The following POF1B variants were observed in gnomAD, a reference collection of about 807,000 sequenced individuals.
POF1B encodes protein POF1B.
In POF1B, 53 loss-of-function variants were observed where a neutral mutation model predicts 55.3. The observed-to-expected ratio is 0.96, with a 90% confidence interval of 0.77 to 1.20. The LOEUF (loss-of-function observed/expected upper bound fraction) is 1.20, where lower values mean the gene tolerates loss of function less well. Ranked by LOEUF, POF1B falls within the 50% of genes most tolerant of loss-of-function variation. POF1B has a pLI of 0.00. For missense variants in POF1B, 478 were observed against 420.5 expected, an observed-to-expected ratio of 1.14 and a Z score of -1.20; for synonymous variants, 188 against 148.3, an observed-to-expected ratio of 1.27 and a Z score of -1.95.
chrX:85,336,480 T>C (rs1933075869), intron 6 of POF1B, among the ~76,000 whole-genome samples: 2 of 110,843 alleles, frequency 1.8e-5, no homozygotes, highest in Non-Finnish European at 3.8e-5. Flanking sequence ...TTATTGCCTG[T>C]CTTTTAGATA....
chrX:85,322,613 G>A (rs1297943439), intron 7 of POF1B, among the ~76,000 whole-genome samples: 4 of 111,652 alleles, frequency 3.6e-5, no homozygotes, highest in Non-Finnish European at 7.5e-5. Context: ...TTAAACTAAA[G>A]AGCTTCTGCA....
chrX:85,278,721 G>C lies in POF1B; in HGVS notation c.*700C>G, dbSNP rs1041800518. On this transcript the variant is annotated 3_prime_UTR_variant, in exon 17 of 17. Transcript: ENST00000262753. The stretch of plus-strand genomic sequence containing the variant: ...AGGTAGGCTCATTTGGGGAAGGTAT[G>C]CTTTGAAAGAACAGATTTGCCAAGG... 2.7e-5 allele frequency: 3 copies of C among 110,861 alleles called. No individual in the cohort carries two copies. The highest frequency in any genetic ancestry group is 9.8e-5 in the African/African-American group (3 of 30,664). The allele number at this position is 110,861 out of a possible 1,213,427, so 9.1% of individuals were successfully genotyped here. A position where few individuals can be genotyped will look rare whatever the true frequency, so the allele number is the denominator to read the frequency against.
At position 85,351,429 on chromosome X, in the gene POF1B, C is replaced by T; in HGVS notation, c.461G>A (p.Arg154Lys). 1.7e-6 allele frequency: 2 copies of T among 1,190,261 alleles called. No homozygotes were observed. Among genetic ancestry groups the T allele is most frequent in the East Asian group, 3.0e-5 (1 of 33,426 alleles). ...PEQEPLSQFL[R>K]GSHFFPGNNV... ...GTTTCCTGGGAAGAAATGGCTTCCTCTTAGGAATTGAGACAGTGGTTCCTA... is the reference window on the plus strand; with the variant it reads ...GTTTCCTGGGAAGAAATGGCTTCCTTTTAGGAATTGAGACAGTGGTTCCTA... Residue 154 changes from arginine to lysine, a missense_variant, in exon 5 of 17, where the codon AGA (arginine) becomes AAA (lysine). Transcript: ENST00000262753.
At chrX:85,367,112 T>G (rs1009145650) in intron 3 of POF1B, among the ~76,000 whole-genome samples, 2 of 111,198 alleles carry the variant, frequency 1.8e-5, no homozygotes, top group South Asian at 7.6e-4. Flanking sequence ...GTGCTTTATG[T>G]TTTTCTTTCT....
rs1488893303 is a variant in POF1B, at chrX:85,279,121, A to C, written c.*300T>G. 4.7e-6 allele frequency: 1 copy of C among 215,005 alleles called. No homozygotes were observed. Among genetic ancestry groups the C allele is most frequent in the Non-Finnish European group, 8.5e-6 (1 of 118,133 alleles). 17.7% of individuals were successfully genotyped at this position (215,005 alleles called of 1,213,427 possible). ...TGATATCTAGGAGTTACCTTATCTG[A>C]AACATAATGAGTTATGTTCTACAGT... On this transcript the variant is annotated 3_prime_UTR_variant, in exon 17 of 17. Transcript: ENST00000262753.
chrX:85,328,483 C>T (rs964740166), intron 7 of POF1B, among the ~76,000 whole-genome samples: 7 of 111,120 alleles, frequency 6.3e-5, no homozygotes, highest in Middle Eastern at 4.2e-3. Flanking sequence ...GGATTACAGG[C>T]GTGAGCCACT....
In POF1B at chrX:85,371,502, G is replaced by A. The variant is rs771299579; in HGVS notation, c.283-3736C>T. Among the ~76,000 whole-genome samples, 5 of 111,303 alleles carry A rather than the reference G, an allele frequency of 4.5e-5. No individual in the cohort carries two copies. The South Asian group carries it at 1.1e-3, about 25-fold the overall frequency. ...TAGACAGAGGTAGGATAGGTAACCA[G>A]ATGGAGATTACACAGCTAATGCTAA... is the stretch of plus-strand genomic sequence containing the variant. On this transcript the variant is annotated intron_variant, in intron 2 of 16. Transcript: ENST00000262753.
At chrX:85,321,276 G>A (rs1932835356) in intron 7 of POF1B, among the ~76,000 whole-genome samples, 1 of 111,067 alleles carries the variant, frequency 9.0e-6, no homozygotes, top group African/African-American at 3.3e-5. Context: ...TGGGATGCAA[G>A]GCTGGTTCAA....
chrX:85,345,370 C>G (rs1933249400), intron 6 of POF1B, among the ~76,000 whole-genome samples: 1 of 111,279 alleles, frequency 9.0e-6, no homozygotes, highest in Non-Finnish European at 1.9e-5. Context: ...ATAATAAAAT[C>G]TATACATATT....
chrX:85,295,430 T>A (rs1932288598), intron 15 of POF1B, among the ~76,000 whole-genome samples: 1 of 111,704 alleles, frequency 9.0e-6, no homozygotes, highest in African/African-American at 3.3e-5. Context: ...TTCTCTATTT[T>A]CATTAATTTC....
At chrX:85,354,672 CAG>C (rs769697648) in intron 4 of POF1B, among the ~76,000 whole-genome samples, 32 of 110,781 alleles carry the variant, frequency 2.9e-4, no homozygotes, top group African/African-American at 8.5e-4. Flanking sequence ...AACAGACAAA[CAG>C]AGAGCCAAAT....
intron 7 of POF1B, among the ~76,000 whole-genome samples, chrX:85,328,000 G>A (rs752903597): frequency 1.8e-5 from 2 of 110,344 alleles, no homozygotes; most frequent in South Asian, 7.7e-4. Flanking sequence ...TATGAAAAGT[G>A]GATACAAAAG....
chrX:85,338,930 T>C (rs1933121872), intron 6 of POF1B, among the ~76,000 whole-genome samples: 1 of 111,427 alleles, frequency 9.0e-6, no homozygotes, highest in African/African-American at 3.3e-5. Flanking sequence ...CAATTAAAAA[T>C]GATGCATTGG....
rs747031770 is a variant in POF1B, at chrX:85,330,753, C to T, written c.854+196G>A. On this transcript the variant is annotated intron_variant, in intron 7 of 16. Transcript: ENST00000262753. ...TAATGGGTGCAGCACACCAACATGG[C>T]GCATGTATACATATGTAACAAACCT... 6.3e-5 allele frequency among the ~76,000 whole-genome samples: 7 copies of T among 110,959 alleles called. No homozygotes were observed. In the South Asian group the frequency reaches 2.7e-3, roughly 42 times the overall value.
intron 4 of POF1B, among the ~76,000 whole-genome samples, chrX:85,357,793 A>G (rs1380714965): frequency 9.0e-6 from 1 of 111,179 alleles, no homozygotes; most frequent in Non-Finnish European, 1.9e-5. Flanking sequence ...CATAGCTTCA[A>G]TGATACCTTT....
At chrX:85,322,653 AG>A (rs1457357257) in intron 7 of POF1B, among the ~76,000 whole-genome samples, 10 of 111,736 alleles carry the variant, frequency 8.9e-5, no homozygotes, top group Non-Finnish European at 1.9e-4. Context: ...CAGAGTGAAC[AG>A]GCAACCTACA....
intron 15 of POF1B, among the ~76,000 whole-genome samples, chrX:85,300,600 A>G (rs966595178): frequency 8.9e-6 from 1 of 112,151 alleles, no homozygotes; most frequent in African/African-American, 3.2e-5. Context: ...TAATTTCCAG[A>G]GTTACCACAT....
chrX:85,324,917 C>T (rs1240982454), intron 7 of POF1B, among the ~76,000 whole-genome samples: 1 of 112,018 alleles, frequency 8.9e-6, no homozygotes, highest in African/African-American at 3.2e-5. Flanking sequence ...ATTTGCTTCT[C>T]TGAAAAGGAT....
chrX:85,318,821 T>A (rs958463175), intron 7 of POF1B, among the ~76,000 whole-genome samples: 1 of 111,891 alleles, frequency 8.9e-6, no homozygotes, highest in African/African-American at 3.2e-5. Flanking sequence ...TCCACTTTGT[T>A]CTTTTTGCTT....
Sources: allele counts gnomAD v4.1 joint callset (sites outside exome capture counted in the v4.1 genomes callset), GRCh38; gene constraint gnomAD v4.1.1; transcripts MANE v1.5; gene names NCBI Gene and HGNC (gene_info 2026-07-23, HGNC 2026-07-21).